AKNA: variants seen among roughly 807,000 people sequenced by gnomAD.
AKNA encodes the protein microtubule organization protein AKNA.
AKNA carries 67 observed loss-of-function variants against 138.8 expected under a neutral mutation model. The observed-to-expected ratio is 0.48, with a 90% CI of 0.40 to 0.59. AKNA has a LOEUF of 0.59. Ranked by LOEUF, AKNA falls within the 20% of genes least tolerant of loss-of-function variation. The pLI, the probability that AKNA is intolerant of heterozygous loss-of-function variation, is 0.00. For missense variants in AKNA, 1,813 were observed against 1,880.4 expected (o/e 0.96, Z 0.66); for synonymous variants, 737 against 754.4 (o/e 0.98, Z 0.38).
chr9:114,378,596 G>C (rs1833412930), intron 2 of AKNA, among the ~76,000 whole-genome samples: 2 of 152,160 alleles, frequency 1.3e-5, no homozygotes, highest in Non-Finnish European at 2.9e-5. Context: ...GAAGGAGGGA[G>C]AGAGGAAGAT....
At position 114,335,404 on chromosome 9, in the gene AKNA, A is replaced by AC. The variant is rs1307496030; in HGVS notation, c.*1649dup. 1 of 152,228 alleles carries AC rather than the reference A, an allele frequency of 6.6e-6. No individual in the cohort carries two copies. Among genetic ancestry groups the AC allele is most frequent in the Non-Finnish European group, 1.5e-5 (1 of 68,060 alleles). The allele number at this position is 152,228 out of a possible 1,614,324, so 9.4% of individuals were successfully genotyped here. A position where few individuals can be genotyped will look rare whatever the true frequency, so the allele number is the denominator to read the frequency against. On this transcript the variant is annotated 3_prime_UTR_variant, in exon 22 of 22. Coordinates refer to ENST00000374088, the MANE Select transcript of AKNA (RefSeq NM_001317950.2). Reference sequence around the variant, plus strand: ...TTAGCACATGGACTGTGTGAAGCAGACAATGCCCAGTGCTTAGCACCGGAA... The same window carrying AC: ...TTAGCACATGGACTGTGTGAAGCAGACCAATGCCCAGTGCTTAGCACCGGAA...
In AKNA at chr9:114,376,900, A is replaced by T. The variant is rs751407925; in HGVS notation, c.907T>A (p.Ser303Thr). ...KEHIWKQTKT[S>T]PKPLPSRFIG... ...AATCGGGAAGGGAGTGGCTTAGGTGACGTCTTTGTCTGCTTCCAGATGTGT... is the reference window on the plus strand; with the variant it reads ...AATCGGGAAGGGAGTGGCTTAGGTGTCGTCTTTGTCTGCTTCCAGATGTGT... The change falls in exon 3 of 22, where the codon TCA becomes ACA. Residue 303 changes from serine (S) to threonine (T), a missense_variant. Coordinates refer to ENST00000374088, the MANE Select transcript of AKNA (RefSeq NM_001317950.2). The T allele has an allele frequency of 1.4e-5, 22 of 1,614,054 alleles. No homozygotes were observed. The highest frequency in any genetic ancestry group is 1.6e-4 in the Middle Eastern group (1 of 6,084).
At chr9:114,367,408 G>T in intron 6 of AKNA, 135 bp downstream of exon 6, 1 of 1,084,632 alleles carries the variant, frequency 9.2e-7, no homozygotes, top group Non-Finnish European at 1.3e-6. Context: ...TTTTGGGGAT[G>T]GCTGAGTTAA....
At chr9:114,367,734 C>T (rs1226964329) in intron 5 of AKNA, 37 bp from the exon 6 acceptor site, 3 of 1,513,286 alleles carry the variant, frequency 2.0e-6, no homozygotes, top group Non-Finnish European at 2.7e-6. Context: ...GGGCCAAGAA[C>T]AGTCCTTCCA....
At chr9:114,347,969 T>C in intron 15 of AKNA, 69 bp from the exon 16 acceptor site, 1 of 1,503,624 alleles carries the variant, frequency 6.7e-7, no homozygotes, top group Middle Eastern at 1.7e-4. Flanking sequence ...CACCCGAGTA[T>C]GCCAGGATGC....
At chr9:114,387,250 C>A (rs999420005) in intron 1 of AKNA, among the ~76,000 whole-genome samples, 1 of 152,166 alleles carries the variant, frequency 6.6e-6, no homozygotes, top group Non-Finnish European at 1.5e-5. Context: ...GGACTCTAGT[C>A]CCACAAGGAA....
chr9:114,349,560 G>A lies in AKNA; in HGVS notation c.3221+1299C>T, dbSNP rs1428307343. Reference sequence around the variant, plus strand: ...CCTTCTCAGCAGTCTCTTGGTCTCCGTTCTCACCCTGCCGGTGGCCAGAGA... The same window carrying A: ...CCTTCTCAGCAGTCTCTTGGTCTCCATTCTCACCCTGCCGGTGGCCAGAGA... On this transcript the variant is annotated intron_variant, in intron 15 of 21. Coordinates refer to ENST00000374088, the MANE Select transcript of AKNA (RefSeq NM_001317950.2). Among the ~76,000 whole-genome samples, 4 of 152,178 alleles carry A rather than the reference G, an allele frequency of 2.6e-5. No homozygotes were observed. The South Asian group carries it at 6.2e-4, about 24-fold the overall frequency.
In AKNA at chr9:114,337,024, C is replaced by A; in HGVS notation, c.*30G>T. On this transcript the variant is annotated 3_prime_UTR_variant, in exon 22 of 22. Coordinates refer to ENST00000374088, the MANE Select transcript of AKNA (RefSeq NM_001317950.2). Reference sequence around the variant, plus strand: ...CTGGCAGGCCACCTGCCCACCCACCCACCCATCTGCCTCTGGGCCCCCAGT... The same window carrying A: ...CTGGCAGGCCACCTGCCCACCCACCAACCCATCTGCCTCTGGGCCCCCAGT... 5 of 382,330 alleles carry A rather than the reference C, an allele frequency of 1.3e-5. No individual in the cohort carries two copies. The highest frequency in any genetic ancestry group is 7.7e-5 in the South Asian group (2 of 25,962). 23.7% of individuals were successfully genotyped at this position (382,330 alleles called of 1,614,324 possible).
At chr9:114,346,537 A>C in intron 17 of AKNA, 132 bp downstream of exon 17, 1 of 661,054 alleles carries the variant, frequency 1.5e-6, no homozygotes, top group South Asian at 2.2e-5. Context: ...ACAGCACTAT[A>C]ATATCCTAAA....
intron 14 of AKNA, among the ~76,000 whole-genome samples, chr9:114,353,225 C>G (rs1427057438): frequency 2.0e-5 from 3 of 151,070 alleles, no homozygotes; most frequent in Non-Finnish European, 4.4e-5. Flanking sequence ...AAAAGGAGGT[C>G]GCCAAATATT....
chr9:114,362,283 G>T, intron 8 of AKNA, 123 bp downstream of exon 8: 2 of 1,376,918 alleles, frequency 1.5e-6, no homozygotes, highest in Non-Finnish European at 1.9e-6. Flanking sequence ...TACTAATTAG[G>T]ATAAGATTTC....
intron 18 of AKNA, chr9:114,344,190 T>A (rs112841788): frequency 0.016 from 3,281 of 206,074 alleles, 96 homozygotes; most frequent in African/African-American, 0.072. Context: ...GAACAAGTGA[T>A]GCTATTCCCC....
upstream of AKNA, among the ~76,000 whole-genome samples, chr9:114,391,736 C>T (rs986155245): frequency 2.0e-4 from 30 of 151,554 alleles, no homozygotes; most frequent in Admixed American, 3.3e-4. Context: ...GTAATCCTCC[C>T]TGTAATACTT....
At chr9:114,368,265 G>T in intron 5 of AKNA, 174 bp downstream of exon 5, 2 of 680,620 alleles carry the variant, frequency 2.9e-6, no homozygotes, top group Non-Finnish European at 4.2e-6. Flanking sequence ...GATCAAAGCA[G>T]GACACTTTCC....
chr9:114,365,330 C>G lies in AKNA; in HGVS notation c.1729-711G>C, dbSNP rs147596750. Among the ~76,000 whole-genome samples the G allele has an allele frequency of 6.5e-3, 991 of 152,238 alleles. 5 individuals are homozygous for G. Among genetic ancestry groups the G allele is most frequent in the Non-Finnish European group, 0.011 (735 of 68,014 alleles). On this transcript the variant is annotated intron_variant, in intron 6 of 21. Coordinates refer to ENST00000374088, the MANE Select transcript of AKNA (RefSeq NM_001317950.2). ...ACTTCAAAAAGTCAAGGTACAGTAG[C>G]TTATGCAGCCATTTCTATAAATGCA...
Position 114,376,644 on chromosome 9 carries a change from G to C in AKNA, c.1163C>G (p.Pro388Arg). ...PPKSRSHNRKPQAPARPLIFK... is the reference protein window; with the variant it reads ...PPKSRSHNRKRQAPARPLIFK... ...GATGAGGGGCCTGGCAGGGGCCTGAGGCTTCCTGTTGTGGCTTCTGGACTT... is the reference window on the plus strand; with the variant it reads ...GATGAGGGGCCTGGCAGGGGCCTGACGCTTCCTGTTGTGGCTTCTGGACTT... The change falls in exon 3 of 22, where the codon CCT (proline) becomes CGT (arginine). Residue 388 changes from proline (P) to arginine (R), a missense_variant. Physicochemically the swap from Pro to Arg is moderately radical, Grantham distance 103. Coordinates refer to ENST00000374088, the MANE Select transcript of AKNA (RefSeq NM_001317950.2). The C allele has an allele frequency of 6.2e-7, 1 of 1,614,104 alleles. No homozygotes were observed. The highest frequency in any genetic ancestry group is 8.5e-7 in the Non-Finnish European group (1 of 1,179,998).
chr9:114,331,592 C>T, downstream of AKNA: 1 of 1,613,962 alleles, frequency 6.2e-7, no homozygotes, highest in Non-Finnish European at 8.5e-7. Flanking sequence ...ATGTTGCTCA[C>T]CTGCTGTTCC....
chr9:114,342,290 G>C (rs1431429894), intron 19 of AKNA, among the ~76,000 whole-genome samples, 165 bp from the exon 20 acceptor site: 4 of 152,196 alleles, frequency 2.6e-5, no homozygotes, highest in Non-Finnish European at 2.9e-5. Flanking sequence ...ATGACAGTGA[G>C]AGCAAGCATT....
Position 114,361,720 on chromosome 9 carries a change from T to C in AKNA, c.2108A>G (p.Lys703Arg), listed in dbSNP as rs1204867982. The change falls in exon 9 of 22, where the codon AAG becomes AGG. Residue 703 changes from lysine (K) to arginine (R), a missense_variant. Transcript: ENST00000374088. ...AAGAGGTACCTCAGGGCAGGAGGTC[T>C]TGATGGCTGGCATGGGGGCTTGTCC... ...PSGQAPMPAIKTSCPEPATTT... is the reference protein window; with the variant it reads ...PSGQAPMPAIRTSCPEPATTT... The C allele has an allele frequency of 6.2e-7, 1 of 1,613,188 alleles. No individual in the cohort carries two copies. The highest frequency in any genetic ancestry group is 8.5e-7 in the Non-Finnish European group (1 of 1,180,036).
Sources: gnomAD v4.1 joint callset for allele counts (sites outside exome capture counted in the v4.1 genomes callset) on GRCh38, gnomAD v4.1.1 for gene constraint, MANE v1.5 for transcripts, NCBI Gene and HGNC (gene_info 2026-07-23, HGNC 2026-07-21) for gene names.